The following CCNB3 variants were observed in gnomAD, a reference collection of about 807,000 sequenced individuals.
CCNB3 encodes G2/mitotic-specific cyclin-B3.
A neutral mutation model predicts 68.0 loss-of-function variants in CCNB3; 12 were observed. The ratio of observed to expected loss-of-function variants is 0.18; its 90% CI spans 0.11 to 0.29. The LOEUF (loss-of-function observed/expected upper bound fraction) is 0.29. CCNB3 is among the 10% of genes least tolerant of loss of function. The pLI is 1.00. For synonymous variants in CCNB3, 354 were observed against 388.9 expected (o/e 0.91, Z 1.06); for missense variants, 904 against 993.1 (o/e 0.91, Z 1.21).
rs1299324004 is a variant in CCNB3 at position 50,299,941 on chromosome X, G to T, written c.335+4948G>T. 5.4e-5 allele frequency among the ~76,000 whole-genome samples: 6 copies of T among 111,250 alleles called. No individual in the cohort carries two copies. In the Admixed American group the frequency reaches 5.7e-4, roughly 11 times the overall value. ...TTGGTTTAAAGTCTGTTTTATGAGA[G>T]ACTAGGATTGCAACCCCTGCCTTTT... is the stretch of plus-strand genomic sequence containing the variant. On this transcript the variant is annotated intron_variant, in intron 5 of 12. Transcript: ENST00000376042.
At position 50,279,950 on chromosome X, in the gene CCNB3, T is replaced by G. The variant is rs1466478080; in HGVS notation, c.-112-4592T>G. Among the ~76,000 whole-genome samples the G allele has an allele frequency of 9.0e-3, 761 of 84,609 alleles. 1 individual carries two copies. The highest frequency in any genetic ancestry group is 0.013 in the Non-Finnish European group (609 of 47,043). 73.5% of individuals were successfully genotyped at this position (84,609 alleles called of 115,157 possible). On this transcript the variant is annotated intron_variant, in intron 1 of 12. Coordinates refer to ENST00000376042, the MANE Select transcript of CCNB3 (RefSeq NM_033031.3). ...AATAAATATGTATTTATAATATATATAGAATATATGAGTATATATATAATA... is the reference window on the plus strand; with the variant it reads ...AATAAATATGTATTTATAATATATAGAGAATATATGAGTATATATATAATA...
At position 50,311,037 on chromosome X, in the gene CCNB3, C is replaced by T. The variant is rs374672970; in HGVS notation, c.2868C>T (p.Thr956=). 12 of 1,207,222 alleles carry T rather than the reference C, an allele frequency of 9.9e-6. No homozygotes were observed. The African/African-American group carries it at 1.4e-4, about 14-fold the overall frequency. ...KEPLALQESP[T]YKEDTFLKTL... ...CATTAGCCTTACAAGAGAGTCCCACCTACAAGGAAGACACCTTTCTCAAAA... is the reference window on the plus strand; with the variant it reads ...CATTAGCCTTACAAGAGAGTCCCACTTACAAGGAAGACACCTTTCTCAAAA... The change falls in exon 6 of 13, where the codon ACC becomes ACT. Residue 956 remains threonine, a synonymous_variant. Coordinates refer to ENST00000376042, the MANE Select transcript of CCNB3 (RefSeq NM_033031.3).
intron 11 of CCNB3, among the ~76,000 whole-genome samples, chrX:50,350,560 T>C (rs1489733135): frequency 9.0e-6 from 1 of 111,554 alleles, no homozygotes; most frequent in South Asian, 3.8e-4. Flanking sequence ...GGCTGTGGAG[T>C]TGGCACCTAA....
intron 8 of CCNB3, among the ~76,000 whole-genome samples, chrX:50,318,020 G>A (rs1367305029): frequency 9.0e-6 from 1 of 110,737 alleles, no homozygotes; most frequent in African/African-American, 3.3e-5. Context: ...TGCCACGTGT[G>A]GGAATTAAAA....
chrX:50,317,571 T>TATGTATGTATG (rs1557215964), intron 8 of CCNB3, among the ~76,000 whole-genome samples: 80 of 5,791 alleles, frequency 0.014, no homozygotes, highest in Non-Finnish European at 0.019. Flanking sequence ...ATGTATGTAT[T>TATGTATGTATG]TATTTATTTA....
chrX:50,347,906 C>T (rs1691237924), intron 11 of CCNB3, 131 bp downstream of exon 11: 2 of 598,476 alleles, frequency 3.3e-6, no homozygotes, highest in Admixed American at 3.9e-5. Context: ...CCACTGTGAA[C>T]TCTAACACCT....
At chrX:50,286,461 G>A (rs1312648257) in intron 3 of CCNB3, among the ~76,000 whole-genome samples, 15 of 109,335 alleles carry the variant, frequency 1.4e-4, no homozygotes. Context: ...CACCATGCCC[G>A]GCTAATTTTT....
At chrX:50,344,152 A>G (rs1193223768) in intron 9 of CCNB3, among the ~76,000 whole-genome samples, 3 of 112,722 alleles carry the variant, frequency 2.7e-5, no homozygotes, top group African/African-American at 9.7e-5. Context: ...GTAGAGTCAC[A>G]TGTGCATAGG....
At chrX:50,207,585 T>A (rs1302439418) in intron 1 of CCNB3, among the ~76,000 whole-genome samples, 1 of 111,693 alleles carries the variant, frequency 9.0e-6, no homozygotes, top group African/African-American at 3.3e-5. Context: ...AAGTGCTTGG[T>A]CAAGGCCAAA....
At position 50,310,410 on chromosome X, in the gene CCNB3, A is replaced by T. The variant is rs1557214559; in HGVS notation, c.2241A>T (p.Leu747Phe). 1 of 1,211,399 alleles carries T rather than the reference A, an allele frequency of 8.3e-7. No individual in the cohort carries two copies. The highest frequency in any genetic ancestry group is 1.7e-5 in the African/African-American group (1 of 57,923). ...AEAATNIQTQLSLKKKSTSHG... is the reference protein window; with the variant it reads ...AEAATNIQTQFSLKKKSTSHG... ...CAGCCACAAACATACAGACACAATT[A>T]TCTTTAAAGAAGAAGTCCACTTCTC... The change falls in exon 6 of 13, where the codon TTA becomes TTT. Residue 747 changes from leucine (L) to phenylalanine (F), a missense_variant. This residue lies in a region of CCNB3 where 619 missense variants were observed against 609.8 expected (regional missense o/e 1.02). Transcript: ENST00000376042.
intron 8 of CCNB3, among the ~76,000 whole-genome samples, chrX:50,316,672 T>C (rs1040884840): frequency 8.9e-6 from 1 of 112,365 alleles, no homozygotes; most frequent in Admixed American, 9.4e-5. Context: ...TATCTTTGCC[T>C]TTTCAAGAAT....
rs1345846876 is a variant in CCNB3 at position 50,223,434 on chromosome X, C to T, written c.-113+18484C>T. Among the ~76,000 whole-genome samples the T allele has an allele frequency of 5.4e-5, 6 of 111,604 alleles. No individual in the cohort carries two copies. The Admixed American group carries it at 5.7e-4, about 11-fold the overall frequency. On this transcript the variant is annotated intron_variant, in intron 1 of 12. Transcript: ENST00000376042. ...TTTGGTTTTTGATGTTGGTGACCTT[C>T]GGATGGGGTTTCTGTGTGGACATCC... is the stretch of plus-strand genomic sequence containing the variant.
intron 9 of CCNB3, among the ~76,000 whole-genome samples, chrX:50,346,159 C>T (rs1198336123): frequency 3.6e-5 from 4 of 112,439 alleles, no homozygotes; most frequent in African/African-American, 1.3e-4. Flanking sequence ...CTATGCCTGT[C>T]TGCCTCTCCA....
chrX:50,311,638 A>G (rs1273893345), intron 6 of CCNB3, 142 bp downstream of exon 6: 11 of 456,302 alleles, frequency 2.4e-5, no homozygotes, highest in Non-Finnish European at 4.0e-5. Flanking sequence ...CAGTTGAGCC[A>G]TATATAGTAA....
chrX:50,282,759 A>G (rs1449483406), intron 1 of CCNB3, among the ~76,000 whole-genome samples: 1 of 111,855 alleles, frequency 8.9e-6, no homozygotes, highest in Admixed American at 9.6e-5. Flanking sequence ...CATCATTTAA[A>G]TAACCTTATT....
At chrX:50,351,492 C>A in intron 12 of CCNB3, 115 bp from the exon 13 acceptor site, 1 of 1,054,026 alleles carries the variant, frequency 9.5e-7, no homozygotes, top group Non-Finnish European at 1.3e-6. Flanking sequence ...ACCTTCCTTT[C>A]TACTCTAGGG....
intron 3 of CCNB3, among the ~76,000 whole-genome samples, chrX:50,286,928 G>A (rs893303876): frequency 8.9e-6 from 1 of 112,535 alleles, no homozygotes; most frequent in Non-Finnish European, 1.9e-5. Flanking sequence ...GATTACAGGC[G>A]TGAGCCGCCG....
chrX:50,299,099 A>G (rs1936558819), intron 5 of CCNB3, among the ~76,000 whole-genome samples: 1 of 111,256 alleles, frequency 9.0e-6, no homozygotes. Context: ...GGATTCATTG[A>G]TTTTTTGAAG....
At chrX:50,228,662 A>G (rs1436943479) in intron 1 of CCNB3, among the ~76,000 whole-genome samples, 1 of 80,248 alleles carries the variant, frequency 1.2e-5, no homozygotes, top group Non-Finnish European at 2.2e-5. Flanking sequence ...AATATATAGA[A>G]TATATATAGA....
Sources: allele counts gnomAD v4.1 joint callset (sites outside exome capture counted in the v4.1 genomes callset), GRCh38; gene constraint gnomAD v4.1.1; regional missense constraint gnomAD v4.1.1; transcripts MANE v1.5; gene names NCBI Gene and HGNC (gene_info 2026-07-23, HGNC 2026-07-21).